CST3: variants seen among roughly 807,000 people sequenced by gnomAD.
CST3 encodes the protein cystatin C.
Under a neutral mutation model 9.0 loss-of-function variants are expected in CST3, and 14 were observed. The ratio of observed to expected loss-of-function variants is 1.56; its 90% CI spans 1.03 to 2.44. The LOEUF (loss-of-function observed/expected upper bound fraction) is 2.44, where lower values mean the gene tolerates loss of function less well. Among genes scored for constraint, CST3 ranks in the 30% most tolerant of loss-of-function variants. CST3 has a pLI of 0.00. For missense variants in CST3, 237 were observed against 204.3 expected, an observed-to-expected ratio of 1.16 and a Z score of -0.98; for synonymous variants, 96 against 90.2, an observed-to-expected ratio of 1.06 and a Z score of -0.37.
intron 2 of CST3, 43 bp from the exon 3 acceptor site, chr20:23,634,042 T>A (rs745620150): frequency 1.3e-6 from 2 of 1,543,784 alleles, no homozygotes; most frequent in Admixed American, 1.7e-5. Context: ...GGGTTACAGT[T>A]CAAAGCAGAA....
rs1441937537 is a variant in CST3, at chr20:23,635,296, G to A, written c.315C>T (p.Asn105=). The change falls in exon 2 of 3, where the codon AAC becomes AAT. Residue 105 remains asparagine (N), a synonymous_variant. Transcript: ENST00000376925. ...GRTTCTKTQP[N]LDNCPFHDQP... Reference sequence around the variant, plus strand: ...GGTCATGGAAGGGGCAGTTGTCCAAGTTGGGCTGGGTCTTGGTACACGTGG... The same window carrying A: ...GGTCATGGAAGGGGCAGTTGTCCAAATTGGGCTGGGTCTTGGTACACGTGG... 2.5e-6 allele frequency: 4 copies of A among 1,614,050 alleles called. No homozygotes were observed. Among genetic ancestry groups the A allele is most frequent in the South Asian group, 1.1e-5 (1 of 91,094 alleles).
In CST3 at chr20:23,637,944, AG is replaced by A. The variant is rs1979770007; in HGVS notation, c.-83del. On this transcript the variant is annotated 5_prime_UTR_variant, in exon 1 of 3. Coordinates refer to ENST00000376925, the MANE Select transcript of CST3 (RefSeq NM_000099.4). ...ATAGAGAGGACCCGCTGCGATACCGAGGCGAGGCCGTGAGCCCCGCGAGGCC... is the reference window on the plus strand; with the variant it reads ...ATAGAGAGGACCCGCTGCGATACCGAGCGAGGCCGTGAGCCCCGCGAGGCC... 1 of 1,188,212 alleles carries A rather than the reference AG, an allele frequency of 8.4e-7. No individual in the cohort carries two copies. The highest frequency in any genetic ancestry group is 1.0e-6 in the Non-Finnish European group (1 of 954,986). 73.6% of individuals were successfully genotyped at this position (1,188,212 alleles called of 1,614,324 possible). A position where few individuals can be genotyped will look rare whatever the true frequency, so the allele number is the denominator to read the frequency against.
intron 2 of CST3, 53 bp downstream of exon 2, chr20:23,635,201 C>G (rs1979615171): frequency 6.9e-7 from 1 of 1,451,158 alleles, no homozygotes; most frequent in South Asian, 1.1e-5. Flanking sequence ...CACACACACA[C>G]ACACACCCCT....
chr20:23,632,552 C>T (rs568654373), downstream of CST3, among the ~76,000 whole-genome samples: 14 of 152,328 alleles, frequency 9.2e-5, no homozygotes, highest in South Asian at 2.5e-3. Flanking sequence ...GAAGCAGACG[C>T]TCCCCACTCT....
Position 23,633,792 on chromosome 20 carries a change from C to T in CST3, c.*124G>A, listed in dbSNP as rs932036751. The T allele has an allele frequency of 1.9e-5, 16 of 825,844 alleles. No individual in the cohort carries two copies. Among genetic ancestry groups the T allele is most frequent in the Admixed American group, 5.7e-5 (3 of 52,800 alleles). 51.2% of individuals were successfully genotyped at this position (825,844 alleles called of 1,614,324 possible). ...GCCGCCTGCTGCCTTCTCTGTCTGT[C>T]TCCTGGTGCAGGCACATGGGGAGAC... On this transcript the variant is annotated 3_prime_UTR_variant, in exon 3 of 3. Coordinates refer to ENST00000376925, the MANE Select transcript of CST3 (RefSeq NM_000099.4).
At position 23,637,690 on chromosome 20, in the gene CST3, C is replaced by A. The variant is rs1156709231; in HGVS notation, c.173G>T (p.Gly58Val). The change falls in exon 1 of 3, where the codon GGC becomes GTC. Residue 58 changes from glycine (G) to valine (V), a missense_variant. Gly to Val is a moderately radical substitution (Grantham distance 109). Transcript: ENST00000376925. ...GTCGTTGCTGGCTTTGTTGTACTCGCCGACGGCAAAGTCCAGTGCACGCCG... is the reference window on the plus strand; with the variant it reads ...GTCGTTGCTGGCTTTGTTGTACTCGACGACGGCAAAGTCCAGTGCACGCCG... The part of the protein sequence containing the change: ...GVRRALDFAV[G>V]EYNKASNDMY... 3.8e-5 allele frequency: 58 copies of A among 1,541,984 alleles called. No homozygotes were observed. Among genetic ancestry groups the A allele is most frequent in the Non-Finnish European group, 5.0e-5 (57 of 1,144,722 alleles).
chr20:23,633,354 C>G (rs1032346911), downstream of CST3, among the ~76,000 whole-genome samples: 1 of 152,090 alleles, frequency 6.6e-6, no homozygotes, highest in African/African-American at 2.4e-5. Context: ...CTGGTCTGAC[C>G]AGCAGCTCAG....
chr20:23,627,218 T>C (rs199593780), exon 4 of CST3: 17 of 152,220 alleles, frequency 1.1e-4, no homozygotes, highest in African/African-American at 4.1e-4. Context: ...ACCACTAATC[T>C]ACAGCCTGTC....
downstream of CST3, among the ~76,000 whole-genome samples, chr20:23,630,717 G>A (rs2122460595): frequency 1.3e-5 from 2 of 151,940 alleles, no homozygotes; most frequent in Admixed American, 1.3e-4. Context: ...CAGCCACATG[G>A]GTGGCAACAT....
Position 23,637,664 on chromosome 20 carries a change from TGTC to T in CST3, c.196_198del (p.Asp66del). The T allele has an allele frequency of 6.5e-7, 1 of 1,535,424 alleles. No homozygotes were observed. Among genetic ancestry groups the T allele is most frequent in the Non-Finnish European group, 8.8e-7 (1 of 1,141,672 alleles). On this transcript the variant is annotated inframe_deletion, in exon 1 of 3. Transcript: ENST00000376925. ...ACCTGCAGCGCGCGGCTGTGGTACA[TGTC>T]GTTGCTGGCTTTGTTGTACTCGCCG... is the stretch of plus-strand genomic sequence containing the variant.
intron 1 of CST3, among the ~76,000 whole-genome samples, chr20:23,636,808 T>G (rs573014570): frequency 6.6e-6 from 1 of 152,168 alleles, no homozygotes; most frequent in Non-Finnish European, 1.5e-5. Flanking sequence ...GCTGAACTCA[T>G]GCACTCATGG....
chr20:23,631,906 A>G (rs1979462606), downstream of CST3: 1 of 152,248 alleles, frequency 6.6e-6, no homozygotes, highest in Non-Finnish European at 1.5e-5. Context: ...GTATATACTT[A>G]AATCAACATT....
chr20:23,631,629 C>T (rs772124612), downstream of CST3, among the ~76,000 whole-genome samples: 14 of 152,178 alleles, frequency 9.2e-5, no homozygotes, highest in Non-Finnish European at 1.8e-4. Context: ...AGGAACACCC[C>T]GCCAGCCTGA....
At chr20:23,634,058 C>T (rs1338415440) in intron 2 of CST3, 59 bp from the exon 3 acceptor site, 1 of 1,396,802 alleles carries the variant, frequency 7.2e-7, no homozygotes, top group Non-Finnish European at 1.0e-6. Context: ...CAGAAGATGC[C>T]CAGGCACGGG....
In CST3 at chr20:23,637,845, G is replaced by C; in HGVS notation, c.18C>G (p.Arg6=). 1 of 1,435,276 alleles carries C rather than the reference G, an allele frequency of 7.0e-7. No individual in the cohort carries two copies. Among genetic ancestry groups the C allele is most frequent in the Non-Finnish European group, 9.1e-7 (1 of 1,102,102 alleles). The allele number at this position is 1,435,276 out of a possible 1,614,324, so 88.9% of individuals were successfully genotyped here. Residue 6 remains arginine (R), a synonymous_variant, in exon 1 of 3, where the codon CGC becomes CGG. Transcript: ENST00000376925. ...GGATGGCCAGCAGGAGCAGCGGGGC[G>C]CGCAGGGGCCCGGCCATGGTCGGCT... MAGPL[R]APLLLLAILA... is the part of the protein sequence containing the mutation.
chr20:23,635,376 G>A lies in CST3; in HGVS notation c.244-9C>T, dbSNP rs377357729. 6.2e-7 allele frequency: 1 copy of A among 1,611,528 alleles called. No individual in the cohort carries two copies. The highest frequency in any genetic ancestry group is 1.1e-5 in the South Asian group (1 of 90,840). On this transcript the variant is annotated splice_polypyrimidine_tract_variant and intron_variant, in intron 1 of 2. Transcript: ENST00000376925. ...TTCACCCCAGCTACGATCTACACAT[G>A]TGAAAGAGCAGGAGGCAGGGACAGC...
At chr20:23,628,288 A>G (rs1363762953) in exon 4 of CST3, 2 of 152,264 alleles carry the variant, frequency 1.3e-5, no homozygotes, top group African/African-American at 2.4e-5. Flanking sequence ...GGCTGACCAC[A>G]GCTTAACGAT....
chr20:23,633,841 G>T lies in CST3; in HGVS notation c.*75C>A. ...ACCTTCCCCAAGGCAGGGGCCACCA[G>T]TCCAGGGGTGGGAATACAGGGGGTG... On this transcript the variant is annotated 3_prime_UTR_variant, in exon 3 of 3. Transcript: ENST00000376925. The T allele has an allele frequency of 7.7e-7, 1 of 1,304,034 alleles. No homozygotes were observed. Among genetic ancestry groups the T allele is most frequent in the Non-Finnish European group, 1.1e-6 (1 of 899,520 alleles). 80.8% of individuals were successfully genotyped at this position (1,304,034 alleles called of 1,614,324 possible).
exon 4 of CST3, chr20:23,628,237 T>C (rs1979322739): frequency 6.6e-6 from 1 of 152,226 alleles, no homozygotes; most frequent in African/African-American, 2.4e-5. Context: ...GATGTCCAGA[T>C]TGATTGCTGA....
Sources: allele counts gnomAD v4.1 joint callset (sites outside exome capture counted in the v4.1 genomes callset), GRCh38; gene constraint gnomAD v4.1.1; transcripts MANE v1.5; gene names NCBI Gene and HGNC (gene_info 2026-07-23, HGNC 2026-07-21).